Variants in SEC14L1 observed in about 807,000 individuals in gnomAD.
The protein encoded by SEC14L1 is SEC14-like protein 1.
A neutral mutation model predicts 85.3 loss-of-function variants in SEC14L1; 48 were observed. The ratio of observed to expected loss-of-function variants is 0.56; its 90% CI spans 0.45 to 0.72. SEC14L1 has a LOEUF of 0.72. Ranked by LOEUF, SEC14L1 falls within the 30% of genes least tolerant of loss-of-function variation. The pLI, the probability that SEC14L1 is intolerant of heterozygous loss-of-function variation, is 0.00. For synonymous variants in SEC14L1, 391 were observed against 355.5 expected (o/e 1.10, Z -1.12); for missense variants, 682 against 921.4 (o/e 0.74, Z 3.36).
chr17:77,161,346 GCATGGTGGCACCC>G (rs1974044000), intron 3 of SEC14L1, among the ~76,000 whole-genome samples: 2 of 152,172 alleles, frequency 1.3e-5, no homozygotes, highest in Non-Finnish European at 2.9e-5. Flanking sequence ...AATCAGCTGG[GCATGGTGGCACCC>G]ACCTGTAATC....
intron 3 of SEC14L1, among the ~76,000 whole-genome samples, chr17:77,096,254 AT>A (rs1198732697): frequency 8.6e-5 from 13 of 151,854 alleles, no homozygotes; most frequent in African/African-American, 3.1e-4. Context: ...AAGAAGTTGT[AT>A]TTAAGGTTAA....
At chr17:77,098,585 T>C (rs1598215071) in intron 3 of SEC14L1, among the ~76,000 whole-genome samples, 1 of 152,166 alleles carries the variant, frequency 6.6e-6, no homozygotes, top group South Asian at 2.1e-4. Context: ...TTTTGGCTCA[T>C]GTTGAGCCAC....
At chr17:77,202,116 G>A (rs2143124138) in intron 9 of SEC14L1, among the ~76,000 whole-genome samples, 2 of 151,098 alleles carry the variant, frequency 1.3e-5, no homozygotes, top group Middle Eastern at 6.8e-3. Context: ...TTGTGTAGAT[G>A]GCCCATGATG....
chr17:77,216,788 C>T lies in SEC14L1; in HGVS notation c.*2765C>T. 1.4e-6 allele frequency: 1 copy of T among 693,990 alleles called. No homozygotes were observed. The highest frequency in any genetic ancestry group is 2.3e-6 in the Non-Finnish European group (1 of 433,998). The allele number at this position is 693,990 out of a possible 1,614,324, so 43.0% of individuals were successfully genotyped here. A position where few individuals can be genotyped will look rare whatever the true frequency, so the allele number is the denominator to read the frequency against. On this transcript the variant is annotated 3_prime_UTR_variant, in exon 17 of 17. Coordinates refer to ENST00000436233, the MANE Select transcript of SEC14L1 (RefSeq NM_001143998.2). ...CTTACAGGGTTTCCTCCCGAGTAAT[C>T]CAATCTCACTCCCCTTGTAAGGGAA...
chr17:77,160,443 T>C (rs560603584), intron 3 of SEC14L1, among the ~76,000 whole-genome samples: 2 of 152,374 alleles, frequency 1.3e-5, no homozygotes, highest in South Asian at 2.1e-4. Flanking sequence ...GGTTTTTGAA[T>C]ATCATGCATG....
upstream of SEC14L1, among the ~76,000 whole-genome samples, chr17:77,139,851 A>C (rs1420960046): frequency 6.6e-6 from 1 of 152,116 alleles, no homozygotes; most frequent in Non-Finnish European, 1.5e-5. Flanking sequence ...AATGTAGTGA[A>C]TAATGTAGGT....
chr17:77,133,938 C>CA (rs539944837), intron 3 of SEC14L1, among the ~76,000 whole-genome samples: 52,049 of 93,598 alleles, frequency 0.56, 14,820 homozygotes, highest in Middle Eastern at 0.62. Flanking sequence ...GACTCCATCT[C>CA]AAAAAAAAAA....
In SEC14L1 at chr17:77,213,875, G is replaced by T. The variant is rs373491967; in HGVS notation, c.2043-43G>T. The T allele has an allele frequency of 2.5e-6, 4 of 1,607,066 alleles. No homozygotes were observed. Among genetic ancestry groups the T allele is most frequent in the Non-Finnish European group, 3.4e-6 (4 of 1,175,590 alleles). ...GGCAGTGTGGGCCGGCGGGTGGTTG[G>T]CAGGGTGGTCCTCACGCCTCGCCCC... On this transcript the variant is annotated intron_variant, in intron 16 of 16. Transcript: ENST00000436233. The surrounding 1 kb of genome is among the most constrained non-coding windows in gnomAD (Gnocchi z 7.1).
chr17:77,138,835 T>A (rs954682743), upstream of SEC14L1, among the ~76,000 whole-genome samples: 1 of 151,696 alleles, frequency 6.6e-6, no homozygotes, highest in Non-Finnish European at 1.5e-5. Flanking sequence ...AAAAAAAAAA[T>A]GGAAATAAAG....
chr17:77,174,819 A>C (rs1431530487), intron 3 of SEC14L1, among the ~76,000 whole-genome samples: 1 of 152,248 alleles, frequency 6.6e-6, no homozygotes, highest in Non-Finnish European at 1.5e-5. Context: ...TTACTTTTGC[A>C]GAAGGGTGCC....
intron 3 of SEC14L1, chr17:77,144,964 T>G (rs1034569013): frequency 1.3e-5 from 2 of 151,930 alleles, no homozygotes; most frequent in African/African-American, 2.4e-5. Flanking sequence ...CAGGCTGGAG[T>G]GCAGTGACGC....
chr17:77,213,251 C>T lies in SEC14L1; in HGVS notation c.1864-63C>T, dbSNP rs949094427. On this transcript the variant is annotated intron_variant, in intron 15 of 16. Coordinates refer to ENST00000436233, the MANE Select transcript of SEC14L1 (RefSeq NM_001143998.2). This position sits in a 1 kb window ranked among gnomAD's most constrained non-coding sequence, Gnocchi z 7.1. ...GACAGTCCCCTTGGCGCTTGTCAGG[C>T]CTGTGGTAGGCCAGGGGTCGGAAGC... 9 of 1,439,876 alleles carry T rather than the reference C, an allele frequency of 6.3e-6. No homozygotes were observed. Among genetic ancestry groups the T allele is most frequent in the Non-Finnish European group, 8.5e-6 (9 of 1,057,738 alleles). The allele number at this position is 1,439,876 out of a possible 1,614,324, so 89.2% of individuals were successfully genotyped here.
intron 3 of SEC14L1, among the ~76,000 whole-genome samples, chr17:77,123,056 G>T (rs1308458828): frequency 2.8e-5 from 4 of 141,950 alleles, no homozygotes; most frequent in South Asian, 2.2e-4. Flanking sequence ...TTTTGTTTTT[G>T]TTTTTTTTTT....
intron 3 of SEC14L1, among the ~76,000 whole-genome samples, chr17:77,119,681 T>C (rs990982332): frequency 6.6e-6 from 1 of 152,214 alleles, no homozygotes; most frequent in Non-Finnish European, 1.5e-5. Flanking sequence ...ATATTTTCAC[T>C]GATAAGGAGA....
chr17:77,202,204 G>C (rs1258247322), intron 9 of SEC14L1, among the ~76,000 whole-genome samples: 1 of 152,194 alleles, frequency 6.6e-6, no homozygotes, highest in Non-Finnish European at 1.5e-5. Flanking sequence ...AGTAGAGTCA[G>C]GCCAGGCCCA....
chr17:77,166,822 G>C (rs1421170836), intron 3 of SEC14L1, among the ~76,000 whole-genome samples: 4 of 152,104 alleles, frequency 2.6e-5, no homozygotes, highest in Non-Finnish European at 4.4e-5. Flanking sequence ...CTGGGTGACA[G>C]AGCAAGACTC....
chr17:77,128,591 T>A (rs1972523019), intron 3 of SEC14L1, among the ~76,000 whole-genome samples: 1 of 151,754 alleles, frequency 6.6e-6, no homozygotes, highest in African/African-American at 2.4e-5. Context: ...CCTGAGTAGC[T>A]GGGATTACAG....
At chr17:77,185,660 C>T (rs1416934020) in intron 3 of SEC14L1, among the ~76,000 whole-genome samples, 4 of 152,062 alleles carry the variant, frequency 2.6e-5, no homozygotes, top group Non-Finnish European at 4.4e-5. Context: ...TTTCTTGGTA[C>T]GTCACAGTAC....
At chr17:77,163,786 C>T (rs957649335) in intron 3 of SEC14L1, among the ~76,000 whole-genome samples, 3 of 152,166 alleles carry the variant, frequency 2.0e-5, no homozygotes, top group African/African-American at 4.8e-5. Context: ...GTTTTTTCTT[C>T]GCACATACCG....
Sources: gnomAD v4.1 joint callset for allele counts (sites outside exome capture counted in the v4.1 genomes callset) on GRCh38, gnomAD v4.1.1 for gene constraint, Gnocchi (gnomAD v3.1) non-coding constraint, MANE v1.5 for transcripts, NCBI Gene and HGNC (gene_info 2026-07-23, HGNC 2026-07-21) for gene names.